ZBBX: variants seen among roughly 807,000 people sequenced by gnomAD.
ZBBX encodes the protein zinc finger B-box domain containing.
Under a neutral mutation model 108.5 loss-of-function variants are expected in ZBBX, and 101 were observed. The ratio of observed to expected loss-of-function variants is 0.93; its 90% confidence interval spans 0.79 to 1.10. The LOEUF (loss-of-function observed/expected upper bound fraction) is 1.10. Ranked by LOEUF, ZBBX falls within the 50% of genes least tolerant of loss-of-function variation. The pLI, the probability that ZBBX is intolerant of heterozygous loss-of-function variation, is 0.00. For synonymous variants in ZBBX, 356 were observed against 323.4 expected (o/e 1.10, Z -1.08); for missense variants, 1,009 against 941.4 (o/e 1.07, Z -0.94).
chr3:167,382,524 A>G (rs1279985604), upstream of ZBBX, among the ~76,000 whole-genome samples: 4 of 152,138 alleles, frequency 2.6e-5, no homozygotes, highest in Admixed American at 6.6e-5. Context: ...TGAACTGGAG[A>G]TATTCAATTT....
intron 20 of ZBBX, among the ~76,000 whole-genome samples, chr3:167,275,040 T>C (rs925593533): frequency 1.3e-5 from 2 of 152,198 alleles, no homozygotes; most frequent in African/African-American, 4.8e-5. Flanking sequence ...CTTAATATTT[T>C]TGTGGTGGAA....
At chr3:167,324,543 C>G (rs1737029826) in intron 11 of ZBBX, among the ~76,000 whole-genome samples, 1 of 152,118 alleles carries the variant, frequency 6.6e-6, no homozygotes, top group Non-Finnish European at 1.5e-5. Flanking sequence ...AAATTTTCTT[C>G]TACTATAGGT....
intron 1 of ZBBX, among the ~76,000 whole-genome samples, chr3:167,395,549 T>G (rs772210867): frequency 6.6e-6 from 1 of 150,992 alleles, no homozygotes; most frequent in Non-Finnish European, 1.5e-5. Flanking sequence ...TTATAAAATA[T>G]CAGCAATAGT....
At chr3:167,208,049 C>G in the ZBBX span, among the ~76,000 whole-genome samples, 1 of 152,146 alleles carries the variant, frequency 6.6e-6, no homozygotes, top group Non-Finnish European at 1.5e-5. Context: ...GAACTCAGTG[C>G]TTCCCTGTCA....
chr3:167,313,158 T>A (rs114909274), intron 16 of ZBBX, among the ~76,000 whole-genome samples: 8 of 152,206 alleles, frequency 5.3e-5, no homozygotes, highest in African/African-American at 1.9e-4. Context: ...TGTGACTGTC[T>A]TTAAATGATC....
chr3:167,284,017 A>C (rs1257935640), intron 19 of ZBBX, among the ~76,000 whole-genome samples: 2 of 152,118 alleles, frequency 1.3e-5, no homozygotes, highest in Non-Finnish European at 2.9e-5. Flanking sequence ...TGGCCAAGGT[A>C]AGTCTCAAAG....
chr3:167,289,997 C>A (rs1488604579), intron 18 of ZBBX, among the ~76,000 whole-genome samples: 2 of 152,172 alleles, frequency 1.3e-5, no homozygotes, highest in Non-Finnish European at 2.9e-5. Context: ...GAGTCCACTA[C>A]AGCTCAGCAA....
In ZBBX at chr3:167,341,281, A is replaced by G. The variant is rs188977097; in HGVS notation, c.529-7296T>C. On this transcript the variant is annotated intron_variant, in intron 9 of 21. Coordinates refer to ENST00000675490, the MANE Select transcript of ZBBX (RefSeq NM_001199201.2). ...ACCTTATTATTTAATAGATAGATTA[A>G]ATAAAACTGGACTCAATATATAGTA... Among the ~76,000 whole-genome samples the G allele has an allele frequency of 2.2e-4, 34 of 152,016 alleles. No individual in the cohort carries two copies. The East Asian group carries it at 4.8e-3, about 22-fold the overall frequency.
At chr3:167,385,578 T>C (rs1447523760) in intron 1 of ZBBX, among the ~76,000 whole-genome samples, 3 of 152,082 alleles carry the variant, frequency 2.0e-5, no homozygotes, top group Non-Finnish European at 4.4e-5. Flanking sequence ...TTGACCCTTT[T>C]GTAATGACAA....
rs777591444 is a variant in ZBBX at position 167,305,745 on chromosome 3, G to A, written c.1623C>T (p.Pro541=). The change falls in exon 17 of 22, where the codon CCC becomes CCT. Residue 541 remains proline, a synonymous_variant. Coordinates refer to ENST00000675490, the MANE Select transcript of ZBBX (RefSeq NM_001199201.2). Reference sequence around the variant, plus strand: ...TGTCTTGAGATAATTTCTCCTCAATGGGAGCTTTTTCTAAATCTCTACCTA... The same window carrying A: ...TGTCTTGAGATAATTTCTCCTCAATAGGAGCTTTTTCTAAATCTCTACCTA... The part of the protein sequence containing the change: ...TLLGRDLEKA[P]IEEKLSQDIK... 6.2e-7 allele frequency: 1 copy of A among 1,612,452 alleles called. No homozygotes were observed. The highest frequency in any genetic ancestry group is 2.2e-5 in the East Asian group (1 of 44,736).
At chr3:167,324,117 A>G (rs1367821040) in intron 11 of ZBBX, among the ~76,000 whole-genome samples, 2 of 152,082 alleles carry the variant, frequency 1.3e-5, no homozygotes, top group Admixed American at 6.6e-5. Flanking sequence ...ACAATATTAA[A>G]TGTTAGTGAT....
intron 20 of ZBBX, among the ~76,000 whole-genome samples, chr3:167,251,945 C>CACACACACAT (rs1722698772): frequency 6.6e-6 from 1 of 151,620 alleles, no homozygotes; most frequent in Non-Finnish European, 1.5e-5. Context: ...CACACACACA[C>CACACACACAT]ACACACACAC....
intron 18 of ZBBX, among the ~76,000 whole-genome samples, chr3:167,291,629 A>G (rs1280302679): frequency 6.6e-6 from 1 of 152,190 alleles, no homozygotes; most frequent in Non-Finnish European, 1.5e-5. Context: ...CATTGACACT[A>G]TGAAGAAACT....
the ZBBX span, among the ~76,000 whole-genome samples, chr3:167,192,021 T>A: frequency 6.7e-6 from 1 of 149,726 alleles, no homozygotes; most frequent in Non-Finnish European, 1.5e-5. Context: ...CATAGTTAGG[T>A]TTTATCTTTT....
intron 20 of ZBBX, among the ~76,000 whole-genome samples, chr3:167,253,124 T>A (rs1722899807): frequency 6.6e-6 from 1 of 152,098 alleles, no homozygotes; most frequent in African/African-American, 2.4e-5. Flanking sequence ...AGCAGAATAA[T>A]AAAAATAAAA....
chr3:167,320,843 C>T (rs1736322130), intron 12 of ZBBX, among the ~76,000 whole-genome samples: 1 of 151,876 alleles, frequency 6.6e-6, no homozygotes, highest in Admixed American at 6.6e-5. Flanking sequence ...CCAAATTGAG[C>T]ACATTCTATG....
intron 9 of ZBBX, among the ~76,000 whole-genome samples, chr3:167,339,334 T>C (rs1446767742): frequency 1.3e-5 from 2 of 152,246 alleles, no homozygotes; most frequent in East Asian, 3.9e-4. Context: ...AGAAAAACTA[T>C]GAGCACAAAG....
chr3:167,250,372 T>C (rs934715006), intron 20 of ZBBX, among the ~76,000 whole-genome samples: 2 of 152,194 alleles, frequency 1.3e-5, no homozygotes, highest in Non-Finnish European at 2.9e-5. Context: ...AAAGTTTAAC[T>C]GCTCCCATAA....
chr3:167,367,562 C>T (rs1745505056), intron 5 of ZBBX, among the ~76,000 whole-genome samples: 2 of 148,186 alleles, frequency 1.3e-5, no homozygotes, highest in African/African-American at 2.5e-5. Context: ...GAATTAATTC[C>T]CATATTTTTA....
Sources: gnomAD v4.1 joint callset for allele counts (sites outside exome capture counted in the v4.1 genomes callset) on GRCh38, gnomAD v4.1.1 for gene constraint, MANE v1.5 for transcripts, NCBI Gene and HGNC (gene_info 2026-07-23, HGNC 2026-07-21) for gene names.